The following ABCC8 variants were observed in gnomAD, a reference collection of about 807,000 sequenced individuals.
The protein encoded by ABCC8 is ATP-binding cassette sub-family C member 8.
ABCC8 carries 137 observed loss-of-function variants against 188.0 expected under a neutral mutation model. The observed-to-expected ratio is 0.73, with a 90% CI of 0.63 to 0.84. The LOEUF (loss-of-function observed/expected upper bound fraction) is 0.84. Among genes scored for constraint, ABCC8 ranks in the 40% least tolerant of loss-of-function variants. The probability of loss-of-function intolerance (pLI) is 0.00; values close to 1 mark genes in which losing one functional copy is unlikely to be tolerated. For missense variants in ABCC8, 1,750 were observed against 2,072.7 expected (o/e 0.84, Z 3.02); for synonymous variants, 797 against 846.5 (o/e 0.94, Z 1.01).
chr11:17,439,381 A>C (rs1956226011), intron 10 of ABCC8, among the ~76,000 whole-genome samples: 1 of 152,096 alleles, frequency 6.6e-6, no homozygotes, highest in Non-Finnish European at 1.5e-5. Context: ...GATGGGCCCC[A>C]ACAGGAAATG....
intron 28 of ABCC8, 76 bp from the exon 29 acceptor site, chr11:17,402,829 C>T: frequency 6.4e-7 from 1 of 1,550,616 alleles, no homozygotes; most frequent in Non-Finnish European, 8.9e-7. Flanking sequence ...CTAGCTCCAC[C>T]TGCTACCGCT....
At chr11:17,417,125 A>G in intron 16 of ABCC8, 163 bp from the exon 17 acceptor site, 1 of 935,840 alleles carries the variant, frequency 1.1e-6, no homozygotes, top group African/African-American at 1.8e-5. Flanking sequence ...ACTCTTCTCA[A>G]TCTCTGTCCC....
intron 2 of ABCC8, 51 bp from the exon 3 acceptor site, chr11:17,470,273 A>G (rs774006260): frequency 2.5e-6 from 4 of 1,612,440 alleles, no homozygotes; most frequent in Non-Finnish European, 2.5e-6. Context: ...AAGTACTGCA[A>G]TAGAGCAGCC....
chr11:17,407,528 C>G (rs1025795203), intron 23 of ABCC8, 75 bp from the exon 24 acceptor site: 11 of 1,602,430 alleles, frequency 6.9e-6, no homozygotes, highest in Non-Finnish European at 8.5e-6. Flanking sequence ...TAAGGGGTAA[C>G]TACTCTGGTG....
At position 17,407,007 on chromosome 11, in the gene ABCC8, G is replaced by A. The variant is rs72559719; in HGVS notation, c.3043C>T (p.Leu1015=). The change falls in exon 25 of 39, where the codon CTG becomes TTG. Residue 1015 remains leucine (L), a synonymous_variant. Coordinates refer to ENST00000389817, the MANE Select transcript of ABCC8 (RefSeq NM_000352.6). The part of the protein sequence containing the change: ...SSAGILLLSL[L]VFSQLLKHMV... ...TGCTTGAGCAGCTGTGAGAAGACCAGCAACGACAGGAGCAGGATGCCGGCG... is the reference window on the plus strand; with the variant it reads ...TGCTTGAGCAGCTGTGAGAAGACCAACAACGACAGGAGCAGGATGCCGGCG... 6.2e-7 allele frequency: 1 copy of A among 1,614,200 alleles called. No homozygotes were observed. The highest frequency in any genetic ancestry group is 8.5e-7 in the Non-Finnish European group (1 of 1,180,042).
At chr11:17,398,683 G>T (rs1193907847) in intron 29 of ABCC8, among the ~76,000 whole-genome samples, 1 of 152,070 alleles carries the variant, frequency 6.6e-6, no homozygotes, top group African/African-American at 2.4e-5. Flanking sequence ...ATTTTCTCTA[G>T]GTCTTTCCCA....
intron 16 of ABCC8, among the ~76,000 whole-genome samples, chr11:17,423,454 G>A (rs923062444): frequency 2.6e-5 from 4 of 151,538 alleles, no homozygotes; most frequent in South Asian, 4.2e-4. Flanking sequence ...GCGCTCAACT[G>A]GGTGAGTGAA....
intron 10 of ABCC8, among the ~76,000 whole-genome samples, chr11:17,438,951 C>T (rs960899825): frequency 3.9e-5 from 6 of 152,222 alleles, no homozygotes; most frequent in African/African-American, 4.8e-5. Flanking sequence ...GCTTGCTAGG[C>T]GGCAAGCATG....
intron 7 of ABCC8, among the ~76,000 whole-genome samples, chr11:17,452,543 G>A (rs926642086): frequency 2.6e-5 from 4 of 152,196 alleles, no homozygotes; most frequent in African/African-American, 9.7e-5. Flanking sequence ...GCACTCCTAT[G>A]AGAGTCTAAT....
intron 10 of ABCC8, among the ~76,000 whole-genome samples, chr11:17,439,204 C>T (rs1404923303): frequency 6.7e-6 from 1 of 149,746 alleles, no homozygotes; most frequent in African/African-American, 2.6e-5. Context: ...ACTTTTGATG[C>T]CAGAGAAACT....
rs77125079 is a variant in ABCC8, at chr11:17,475,638, T to G, written c.149-611A>C. Among the ~76,000 whole-genome samples, 534 of 152,318 alleles carry G rather than the reference T, an allele frequency of 3.5e-3. 2 individuals are homozygous for G. Among genetic ancestry groups the G allele is most frequent in the African/African-American group, 0.012 (515 of 41,558 alleles). ...TCTTTTTTGATTTTTGATGCACATA[T>G]GAGCACATATTTTGTATGTTTTATT... On this transcript the variant is annotated intron_variant, in intron 1 of 38. Coordinates refer to ENST00000389817, the MANE Select transcript of ABCC8 (RefSeq NM_000352.6).
Position 17,453,117 on chromosome 11 carries a change from A to G in ABCC8, c.1176+2T>C, listed in dbSNP as rs750586210. The G allele has an allele frequency of 1.6e-5, 25 of 1,609,896 alleles. No homozygotes were observed. Among genetic ancestry groups the G allele is most frequent in the Non-Finnish European group, 2.1e-5 (25 of 1,176,218 alleles). The stretch of plus-strand genomic sequence containing the variant: ...AAAGTGAAAAAATAATCATCCAAGT[A>G]CCTGTATTGCTCCTCTCAAGTTAAT... On this transcript the variant is annotated splice_donor_variant, in intron 7 of 38. Transcript: ENST00000389817. LOFTEE classifies it high-confidence loss of function.
rs890072017 is a variant in ABCC8, at chr11:17,404,066, C to T, written c.3557+446G>A. Among the ~76,000 whole-genome samples the T allele has an allele frequency of 6.6e-6, 1 of 152,090 alleles. No individual in the cohort carries two copies. Among genetic ancestry groups the T allele is most frequent in the African/African-American group, 2.4e-5 (1 of 41,404 alleles). On this transcript the variant is annotated intron_variant, in intron 28 of 38. Transcript: ENST00000389817. This position sits in a 1 kb window ranked among gnomAD's most constrained non-coding sequence, Gnocchi z 4.7. ...TCCATGAGAATGGCTGTGAGAGGCT[C>T]CCTCAAGTCAAGGCTTACAGCTACA...
intron 6 of ABCC8, among the ~76,000 whole-genome samples, chr11:17,454,674 C>A (rs1419330724): frequency 2.6e-5 from 4 of 152,092 alleles, no homozygotes; most frequent in African/African-American, 9.7e-5. Flanking sequence ...CTCACAATAC[C>A]CTAATGAGGA....
chr11:17,413,286 C>A (rs1464448803), intron 20 of ABCC8, 108 bp downstream of exon 20: 12 of 1,516,084 alleles, frequency 7.9e-6, no homozygotes, highest in Non-Finnish European at 1.1e-5. Context: ...ACTCTTCAGC[C>A]TTCAATGTCT....
chr11:17,424,784 G>T (rs1955509068), intron 16 of ABCC8, among the ~76,000 whole-genome samples: 1 of 152,226 alleles, frequency 6.6e-6, no homozygotes, highest in South Asian at 2.1e-4. Flanking sequence ...GGGGGCCCCA[G>T]CAGTGACCAG....
At chr11:17,461,219 G>A (rs1957176888) in intron 5 of ABCC8, 1 of 378,994 alleles carries the variant, frequency 2.6e-6, no homozygotes, top group Non-Finnish European at 5.0e-6. Context: ...TAACACCCCT[G>A]CTCCAAATCA....
intron 16 of ABCC8, among the ~76,000 whole-genome samples, chr11:17,421,306 G>A (rs756972009): frequency 6.6e-6 from 1 of 152,148 alleles, no homozygotes; most frequent in Non-Finnish European, 1.5e-5. Flanking sequence ...ATGCACTAAC[G>A]GTATTTGCTC....
intron 18 of ABCC8, 65 bp from the exon 19 acceptor site, chr11:17,414,675 A>G (rs1057428381): frequency 6.2e-7 from 1 of 1,607,146 alleles, no homozygotes. Flanking sequence ...TCTCAGAGGC[A>G]GTTGTCAAGC....
Sources: allele counts gnomAD v4.1 joint callset (sites outside exome capture counted in the v4.1 genomes callset), GRCh38; gene constraint gnomAD v4.1.1; non-coding constraint Gnocchi (gnomAD v3.1); transcripts MANE v1.5; gene names NCBI Gene and HGNC (gene_info 2026-07-23, HGNC 2026-07-21).